The following KAT6B variants were observed in gnomAD, a reference collection of about 807,000 sequenced individuals.
KAT6B encodes histone acetyltransferase KAT6B.
Under a neutral mutation model 187.5 loss-of-function variants are expected in KAT6B, and 10 were observed. The ratio of observed to expected loss-of-function variants is 0.05; its 90% CI spans 0.03 to 0.09. The LOEUF is 0.09. Ranked by LOEUF, KAT6B falls within the 10% of genes least tolerant of loss-of-function variation. The pLI, the probability that KAT6B is intolerant of heterozygous loss-of-function variation, is 1.00. For synonymous variants in KAT6B, 861 were observed against 926.8 expected, an observed-to-expected ratio of 0.93 and a Z score of 1.29; for missense variants, 1,952 against 2,558.9, an observed-to-expected ratio of 0.76 and a Z score of 5.12.
At chr10:74,974,149 T>C (rs1328682875) in intron 7 of KAT6B, among the ~76,000 whole-genome samples, 1 of 152,200 alleles carries the variant, frequency 6.6e-6, no homozygotes, top group Non-Finnish European at 1.5e-5. Flanking sequence ...ACTGTGTCTC[T>C]AGTGACACTA....
At chr10:74,853,609 A>G (rs1589476294) in intron 3 of KAT6B, among the ~76,000 whole-genome samples, 1 of 145,096 alleles carries the variant, frequency 6.9e-6, no homozygotes. Context: ...TTTTTAATAT[A>G]TAAGAAATGC....
chr10:75,032,132 A>T lies in KAT6B; in HGVS notation c.*1086A>T, dbSNP rs1057399671. 5.1e-6 allele frequency: 1 copy of T among 197,300 alleles called. No individual in the cohort carries two copies. Among genetic ancestry groups the T allele is most frequent in the Admixed American group, 6.1e-5 (1 of 16,464 alleles). 12.2% of individuals were successfully genotyped at this position (197,300 alleles called of 1,614,324 possible). ...CTTTGTACCTGTACAGGGTGACAGTAAGGGCCAAGCAGGAGAGGCGTAATC... is the reference window on the plus strand; with the variant it reads ...CTTTGTACCTGTACAGGGTGACAGTTAGGGCCAAGCAGGAGAGGCGTAATC... On this transcript the variant is annotated 3_prime_UTR_variant, in exon 18 of 18. Coordinates refer to ENST00000287239, the MANE Select transcript of KAT6B (RefSeq NM_012330.4).
chr10:74,898,392 T>C (rs11001196), intron 3 of KAT6B, among the ~76,000 whole-genome samples: 15,639 of 152,146 alleles, frequency 0.1, 1,050 homozygotes, highest in South Asian at 0.27. Flanking sequence ...CACAAACTCA[T>C]GATACTGGTT....
intron 3 of KAT6B, among the ~76,000 whole-genome samples, chr10:74,905,884 A>G (rs1034950865): frequency 3.3e-5 from 5 of 152,150 alleles, no homozygotes; most frequent in African/African-American, 9.7e-5. Flanking sequence ...ATGCCTTGCA[A>G]TGCCACTGTC....
intron 13 of KAT6B, among the ~76,000 whole-genome samples, chr10:75,004,069 C>A (rs752336825): frequency 2.7e-5 from 4 of 150,156 alleles, no homozygotes; most frequent in Admixed American, 6.6e-5. Flanking sequence ...TTTTTTTTTA[C>A]CAAACAAATT....
At position 74,859,079 on chromosome 10, in the gene KAT6B, A is replaced by G. The variant is rs558782295; in HGVS notation, c.621+15601A>G. On this transcript the variant is annotated intron_variant, in intron 3 of 17. Transcript: ENST00000287239. Reference sequence around the variant, plus strand: ...GACTAAGTAACATCTGAAGAATTTTATGTCTTTTATTTATTTATTTAGACA... The same window carrying G: ...GACTAAGTAACATCTGAAGAATTTTGTGTCTTTTATTTATTTATTTAGACA... 4.6e-5 allele frequency among the ~76,000 whole-genome samples: 7 copies of G among 151,854 alleles called. No individual in the cohort carries two copies. The South Asian group carries it at 1.5e-3, about 32-fold the overall frequency.
intron 13 of KAT6B, among the ~76,000 whole-genome samples, chr10:75,015,473 T>C (rs1231562100): frequency 1.3e-5 from 2 of 152,206 alleles, no homozygotes; most frequent in African/African-American, 2.4e-5. Context: ...AAATAGCCTG[T>C]CAAGTTCATT....
intron 3 of KAT6B, among the ~76,000 whole-genome samples, chr10:74,870,061 G>T (rs531594278): frequency 2.6e-5 from 4 of 152,080 alleles, no homozygotes; most frequent in African/African-American, 9.6e-5. Context: ...AGGAGGATCA[G>T]TTGAGTCCGG....
chr10:74,930,839 G>A (rs2395124), intron 3 of KAT6B, among the ~76,000 whole-genome samples: 47,097 of 152,064 alleles, frequency 0.31, 13,135 homozygotes, highest in African/African-American at 0.73. Flanking sequence ...TGAATGTAGA[G>A]TTCTTCTAGA....
rs1305943137 is a variant in KAT6B, at chr10:74,972,533, C to G, written c.955C>G (p.Pro319Ala). The G allele has an allele frequency of 6.2e-7, 1 of 1,608,090 alleles. No individual in the cohort carries two copies. The highest frequency in any genetic ancestry group is 1.1e-5 in the South Asian group (1 of 90,560). The change falls in exon 7 of 18, where the codon CCA becomes GCA. Residue 319 changes from proline to alanine, a missense_variant. Physicochemically the swap from Pro to Ala is conservative, Grantham distance 27. Around this residue, in one of 9 missense-constraint regions of KAT6B, gnomAD observed 417 missense variants for 508.9 expected, o/e 0.82. Coordinates refer to ENST00000287239, the MANE Select transcript of KAT6B (RefSeq NM_012330.4). ...GATGTGGATTTGCCAAGTCTGCAGA[C>G]CAAAGAAAAAGGGAAGAAAACTACT... ...KGMWICQVCR[P>A]KKKGRKLLHE...
intron 3 of KAT6B, among the ~76,000 whole-genome samples, chr10:74,896,564 A>C (rs1375158066): frequency 6.6e-6 from 1 of 152,258 alleles, no homozygotes; most frequent in Admixed American, 6.5e-5. Flanking sequence ...TGCTGGGATT[A>C]CAGGCATGAG....
intron 3 of KAT6B, among the ~76,000 whole-genome samples, chr10:74,946,613 G>T (rs1839967861): frequency 6.6e-6 from 1 of 152,132 alleles, no homozygotes; most frequent in South Asian, 2.1e-4. Flanking sequence ...TGTGGAGAGT[G>T]GAAGAAGCCC....
chr10:74,900,087 T>C (rs1350362640), intron 3 of KAT6B, among the ~76,000 whole-genome samples: 1 of 151,794 alleles, frequency 6.6e-6, no homozygotes, highest in Non-Finnish European at 1.5e-5. Flanking sequence ...ACTTTTCTGA[T>C]TTTTTTTATT....
At chr10:74,960,494 C>T (rs1339749949) in intron 4 of KAT6B, among the ~76,000 whole-genome samples, 5 of 151,442 alleles carry the variant, frequency 3.3e-5, no homozygotes, top group Non-Finnish European at 7.4e-5. Flanking sequence ...ACTACCCAAA[C>T]TTTTTTCTCC....
intron 1 of KAT6B, 51 bp downstream of exon 1, chr10:74,826,836 G>A (rs1350563406): frequency 1.3e-5 from 2 of 151,576 alleles, no homozygotes; most frequent in Admixed American, 6.6e-5. Flanking sequence ...GGGCGGGAGG[G>A]GGGAACAGAC....
chr10:74,828,537 T>TC (rs1178609889), intron 1 of KAT6B, among the ~76,000 whole-genome samples: 1 of 149,836 alleles, frequency 6.7e-6, no homozygotes, highest in African/African-American at 2.4e-5. Flanking sequence ...AATAAAACAC[T>TC]CCATTTTTTT....
intron 1 of KAT6B, among the ~76,000 whole-genome samples, chr10:74,833,082 C>T (rs1341019503): frequency 6.7e-6 from 1 of 148,694 alleles, no homozygotes; most frequent in East Asian, 2.0e-4. Flanking sequence ...TTGCAGTGAG[C>T]CGAGATCACG....
At chr10:74,913,849 C>G (rs1304956843) in intron 3 of KAT6B, among the ~76,000 whole-genome samples, 1 of 152,224 alleles carries the variant, frequency 6.6e-6, no homozygotes, top group Non-Finnish European at 1.5e-5. Context: ...ACCTATTTCT[C>G]TGTGCCAGTA....
At chr10:74,905,516 G>C (rs542985804) in intron 3 of KAT6B, among the ~76,000 whole-genome samples, 2 of 152,248 alleles carry the variant, frequency 1.3e-5, no homozygotes, top group African/African-American at 4.8e-5. Context: ...CCTGAGTGGT[G>C]GTGGCCTGCA....
Sources: allele counts gnomAD v4.1 joint callset (sites outside exome capture counted in the v4.1 genomes callset), GRCh38; gene constraint gnomAD v4.1.1; regional missense constraint gnomAD v4.1.1; transcripts MANE v1.5; gene names NCBI Gene and HGNC (gene_info 2026-07-23, HGNC 2026-07-21).